PSTPIP1: variants seen among roughly 807,000 people sequenced by gnomAD.
PSTPIP1 encodes proline-serine-threonine phosphatase interacting protein 1.
A neutral mutation model predicts 69.6 loss-of-function variants in PSTPIP1; 66 were observed. The ratio of observed to expected loss-of-function variants is 0.95; its 90% confidence interval spans 0.78 to 1.16. The LOEUF (loss-of-function observed/expected upper bound fraction) is 1.16, where lower values mean the gene tolerates loss of function less well. PSTPIP1 is among the 50% of genes most tolerant of loss of function. The pLI is 0.00. For synonymous variants in PSTPIP1, 266 were observed against 222.7 expected (o/e 1.19, Z -1.73); for missense variants, 603 against 557.4 (o/e 1.08, Z -0.82).
chr15:77,025,324 TC>T lies in PSTPIP1; in HGVS notation c.247+10del. ...CTTTGACTCCTTGAAGCAGCGTAAG[TC>T]CCCTACCCTGGGGCAATGGGATCTT... On this transcript the variant is annotated splice_region_variant and intron_variant, in intron 4 of 14. Transcript: ENST00000558012. 1 of 1,607,510 alleles carries T rather than the reference TC, an allele frequency of 6.2e-7. No homozygotes were observed. The highest frequency in any genetic ancestry group is 8.5e-7 in the Non-Finnish European group (1 of 1,174,278).
Position 77,027,994 on chromosome 15 carries a change from C to A in PSTPIP1, c.417+80C>A. Reference sequence around the variant, plus strand: ...AGGGTGCGATCCTGGGCTGTGGCCCCGGGCAGGGCATTTGGAACAGGCTGA... The same window carrying A: ...AGGGTGCGATCCTGGGCTGTGGCCCAGGGCAGGGCATTTGGAACAGGCTGA... On this transcript the variant is annotated intron_variant, in intron 6 of 14. Coordinates refer to ENST00000558012, the MANE Select transcript of PSTPIP1 (RefSeq NM_003978.5). The surrounding 1 kb of genome is among the most constrained non-coding windows in gnomAD (Gnocchi z 4.3). The A allele has an allele frequency of 7.7e-7, 1 of 1,290,354 alleles. No homozygotes were observed. Among genetic ancestry groups the A allele is most frequent in the Non-Finnish European group, 1.1e-6 (1 of 913,564 alleles). The allele number at this position is 1,290,354 out of a possible 1,614,324, so 79.9% of individuals were successfully genotyped here.
At chr15:76,997,663 G>C (rs1361268782) in intron 1 of PSTPIP1, among the ~76,000 whole-genome samples, 1 of 152,174 alleles carries the variant, frequency 6.6e-6, no homozygotes, top group Non-Finnish European at 1.5e-5. Context: ...GGATCCCTCT[G>C]TCTATCTGAC....
chr15:76,999,800 T>C (rs996547561), intron 1 of PSTPIP1, among the ~76,000 whole-genome samples: 1 of 152,142 alleles, frequency 6.6e-6, no homozygotes, highest in Non-Finnish European at 1.5e-5. Context: ...TGTGCCATCC[T>C]CTCCCAGGTC....
intron 1 of PSTPIP1, among the ~76,000 whole-genome samples, chr15:77,007,292 G>A (rs1002917751): frequency 4.6e-5 from 7 of 152,156 alleles, no homozygotes; most frequent in African/African-American, 7.2e-5. Flanking sequence ...TGTCTGTCCC[G>A]GCCTCAGCTT....
chr15:77,025,466 A>C, intron 4 of PSTPIP1, 32 bp from the exon 5 acceptor site: 1 of 1,576,680 alleles, frequency 6.3e-7, no homozygotes, highest in Non-Finnish European at 8.6e-7. Context: ...CAGATCTGAC[A>C]CTGGGGACCA....
chr15:76,996,187 T>C (rs1389545023), intron 1 of PSTPIP1, among the ~76,000 whole-genome samples: 3 of 152,116 alleles, frequency 2.0e-5, no homozygotes, highest in African/African-American at 7.2e-5. Context: ...ACCTTAGGGG[T>C]CCTTCAAGGA....
In PSTPIP1 at chr15:77,027,960, G is replaced by C. The variant is rs1265608988; in HGVS notation, c.417+46G>C. On this transcript the variant is annotated intron_variant, in intron 6 of 14. Coordinates refer to ENST00000558012, the MANE Select transcript of PSTPIP1 (RefSeq NM_003978.5). This position sits in a 1 kb window ranked among gnomAD's most constrained non-coding sequence, Gnocchi z 4.3. ...CCGCGGCCTTCCCTCGAGGAGCAGCGCAGGTCTCAGGGTGCGATCCTGGGC... is the reference window on the plus strand; with the variant it reads ...CCGCGGCCTTCCCTCGAGGAGCAGCCCAGGTCTCAGGGTGCGATCCTGGGC... 1 of 1,484,074 alleles carries C rather than the reference G, an allele frequency of 6.7e-7. No individual in the cohort carries two copies. Among genetic ancestry groups the C allele is most frequent in the Non-Finnish European group, 9.2e-7 (1 of 1,087,606 alleles). 91.9% of individuals were successfully genotyped at this position (1,484,074 alleles called of 1,614,324 possible).
At position 77,031,108 on chromosome 15, in the gene PSTPIP1, G is replaced by A. The variant is rs527766714; in HGVS notation, c.643-72G>A. On this transcript the variant is annotated intron_variant, in intron 9 of 14. Transcript: ENST00000558012. ...TGGCCTGGTCAGCTCCGGCTGAGCTGTGAATGGGGCCCAGCCTGGCCGGGC... is the reference window on the plus strand; with the variant it reads ...TGGCCTGGTCAGCTCCGGCTGAGCTATGAATGGGGCCCAGCCTGGCCGGGC... 3.3e-5 allele frequency: 48 copies of A among 1,446,114 alleles called. No individual in the cohort carries two copies. In the East Asian group the frequency reaches 3.9e-4, roughly 12 times the overall value. 89.6% of individuals were successfully genotyped at this position (1,446,114 alleles called of 1,614,324 possible). A position where few individuals can be genotyped will look rare whatever the true frequency, so the allele number is the denominator to read the frequency against.
intron 1 of PSTPIP1, among the ~76,000 whole-genome samples, chr15:77,015,643 C>G (rs1156719562): frequency 1.3e-5 from 2 of 152,138 alleles, no homozygotes; most frequent in Non-Finnish European, 2.9e-5. Flanking sequence ...ATGATTGGTT[C>G]ATTCATTTCC....
intron 1 of PSTPIP1, among the ~76,000 whole-genome samples, chr15:77,007,269 T>C (rs1350913233): frequency 6.6e-6 from 1 of 152,152 alleles, no homozygotes; most frequent in Non-Finnish European, 1.5e-5. Context: ...GATAAGACCC[T>C]GCAAGGAATT....
At chr15:77,036,617 C>T (rs573139638) in intron 14 of PSTPIP1, among the ~76,000 whole-genome samples, 1 of 152,210 alleles carries the variant, frequency 6.6e-6, no homozygotes, top group East Asian at 1.9e-4. Flanking sequence ...CTGATGAGGC[C>T]AGGGCTCGGG....
chr15:77,028,044 G>A, intron 6 of PSTPIP1, 130 bp downstream of exon 6: 1 of 880,364 alleles, frequency 1.1e-6, no homozygotes, highest in Non-Finnish European at 1.8e-6. Context: ...CTCGGACCTC[G>A]GCCTTGGGCG....
chr15:77,036,937 T>G (rs1388394769), intron 14 of PSTPIP1, 108 bp from the exon 15 acceptor site: 3 of 1,473,608 alleles, frequency 2.0e-6, no homozygotes, highest in Non-Finnish European at 2.8e-6. Flanking sequence ...CTGCCCACCC[T>G]GGGAGACATG....
intron 1 of PSTPIP1, among the ~76,000 whole-genome samples, chr15:77,012,145 CCAT>C (rs2075950119): frequency 1.6e-5 from 2 of 126,502 alleles, no homozygotes; most frequent in Non-Finnish European, 3.4e-5. Context: ...ATCCATCCAT[CCAT>C]CCATCCATCC....
chr15:77,007,589 A>G (rs2075840774), intron 1 of PSTPIP1, among the ~76,000 whole-genome samples: 1 of 150,644 alleles, frequency 6.6e-6, no homozygotes, highest in African/African-American at 2.4e-5. Flanking sequence ...AGCCTGGGCA[A>G]CAGAACACTT....
Position 77,025,304 on chromosome 15 carries a change from A to C in PSTPIP1, c.233A>C (p.Asp78Ala). ...TGCAGCTCCCTGAGGGCCTCCTTTG[A>C]CTCCTTGAAGCAGCGTAAGTCCCCT... ...TEINSLRASF[D>A]SLKQQMENVG... Residue 78 changes from aspartate (D) to alanine (A), a missense_variant, in exon 4 of 15, where the codon GAC (aspartate) becomes GCC (alanine). Coordinates refer to ENST00000558012, the MANE Select transcript of PSTPIP1 (RefSeq NM_003978.5). The C allele has an allele frequency of 1.2e-6, 2 of 1,610,656 alleles. No individual in the cohort carries two copies. The highest frequency in any genetic ancestry group is 1.7e-6 in the Non-Finnish European group (2 of 1,177,434).
chr15:77,036,483 A>T (rs1369000542), intron 14 of PSTPIP1, among the ~76,000 whole-genome samples: 1 of 152,202 alleles, frequency 6.6e-6, no homozygotes, highest in African/African-American at 2.4e-5. Flanking sequence ...AGGCAGCCAC[A>T]GGGCAGCTAT....
At chr15:77,001,945 G>T (rs1294333936) in intron 1 of PSTPIP1, among the ~76,000 whole-genome samples, 2 of 152,126 alleles carry the variant, frequency 1.3e-5, no homozygotes, top group African/African-American at 4.8e-5. Flanking sequence ...TTTGATTTTT[G>T]AACCATATGA....
At chr15:77,028,421 C>T in intron 6 of PSTPIP1, 133 bp from the exon 7 acceptor site, 1 of 669,508 alleles carries the variant, frequency 1.5e-6, no homozygotes, top group Non-Finnish European at 2.5e-6. Context: ...ATCCCTGTCC[C>T]TGGTGAGGAT....
Sources: allele counts gnomAD v4.1 joint callset (sites outside exome capture counted in the v4.1 genomes callset), GRCh38; gene constraint gnomAD v4.1.1; non-coding constraint Gnocchi (gnomAD v3.1); transcripts MANE v1.5; gene names NCBI Gene and HGNC (gene_info 2026-07-23, HGNC 2026-07-21).